ANO1: variants seen among roughly 807,000 people sequenced by gnomAD.
The protein encoded by ANO1 is anoctamin-1.
ANO1 carries 59 observed loss-of-function variants against 124.0 expected under a neutral mutation model. The ratio of observed to expected loss-of-function variants is 0.48; its 90% CI spans 0.39 to 0.59. ANO1 has a LOEUF of 0.59. Ranked by LOEUF, ANO1 falls within the 20% of genes least tolerant of loss-of-function variation. The pLI is 0.00. For synonymous variants in ANO1, 529 were observed against 532.0 expected, an observed-to-expected ratio of 0.99 and a Z score of 0.08; for missense variants, 1,059 against 1,328.0, an observed-to-expected ratio of 0.80 and a Z score of 3.15.
At chr11:70,137,633 T>C (rs966588069) in intron 11 of ANO1, among the ~76,000 whole-genome samples, 3 of 145,914 alleles carry the variant, frequency 2.1e-5, no homozygotes, top group African/African-American at 7.3e-5. Flanking sequence ...GTCACTGGAT[T>C]ACTCAGGCTG....
chr11:70,108,495 T>C (rs2045647852), intron 6 of ANO1, 91 bp downstream of exon 6: 2 of 1,429,978 alleles, frequency 1.4e-6, no homozygotes, highest in Non-Finnish European at 9.8e-7. Context: ...GGCAGCCGGC[T>C]TGGGGTGTTT....
At chr11:70,103,878 T>C (rs1290187814) in intron 3 of ANO1, 121 bp from the exon 4 acceptor site, 8 of 1,115,176 alleles carry the variant, frequency 7.2e-6, no homozygotes, top group Non-Finnish European at 6.3e-6. Flanking sequence ...ACCCAGGTGC[T>C]CTGCTCTCAG....
intron 1 of ANO1, among the ~76,000 whole-genome samples, chr11:70,042,527 G>A (rs782258167): frequency 2.0e-5 from 3 of 151,898 alleles, no homozygotes; most frequent in Non-Finnish European, 2.9e-5. Flanking sequence ...GAGAGAGAGA[G>A]AGAGAGAGAG....
chr11:70,116,070 G>A lies in ANO1; in HGVS notation c.856-388G>A, dbSNP rs185054803. Among the ~76,000 whole-genome samples, 33 of 152,282 alleles carry A rather than the reference G, an allele frequency of 2.2e-4. No individual in the cohort carries two copies. The East Asian group carries it at 4.1e-3, about 19-fold the overall frequency. On this transcript the variant is annotated intron_variant, in intron 7 of 25. Coordinates refer to ENST00000355303, the MANE Select transcript of ANO1 (RefSeq NM_018043.7). ...CCACAGTGAGAAGGGAGCAAGACAC[G>A]GACTGTCCCAGCAGAGTGGGACATA... is the stretch of plus-strand genomic sequence containing the variant.
chr11:70,105,336 G>C (rs529133033), intron 4 of ANO1, among the ~76,000 whole-genome samples: 2 of 152,232 alleles, frequency 1.3e-5, no homozygotes, highest in African/African-American at 4.8e-5. Flanking sequence ...TTGTTTTCAA[G>C]GTTGGAGCTG....
chr11:70,068,816 A>C (rs1857796806), intron 1 of ANO1, among the ~76,000 whole-genome samples: 1 of 152,034 alleles, frequency 6.6e-6, no homozygotes, highest in Non-Finnish European at 1.5e-5. Flanking sequence ...CTAAGGGAAA[A>C]CTGTCCCCCT....
At chr11:70,134,164 G>A (rs545101854) in intron 11 of ANO1, among the ~76,000 whole-genome samples, 2 of 152,246 alleles carry the variant, frequency 1.3e-5, no homozygotes, top group Non-Finnish European at 1.5e-5. Context: ...CGCTGTGTGC[G>A]CAGCTGGAAG....
At chr11:69,983,399 G>A (rs993487304), upstream of ANO1, among the ~76,000 whole-genome samples, 5 of 152,318 alleles carry the variant, frequency 3.3e-5, no homozygotes, top group African/African-American at 9.6e-5. Flanking sequence ...TGTGATTACT[G>A]TATTCCGTAA....
rs376590231 is a variant in ANO1, at chr11:70,010,469, C to A, written c.58+24303C>A. On this transcript the variant is annotated intron_variant, in intron 1 of 27. Transcript: ENST00000531349. ...TTCATGAGGAATCCACTCCTGTGAC[C>A]GGGACACCTCCCATTAGACCCCACC... 2.7e-3 allele frequency among the ~76,000 whole-genome samples: 412 copies of A among 151,776 alleles called. 18 individuals are homozygous for A. In the South Asian group the frequency reaches 0.084, roughly 31 times the overall value.
intron 22 of ANO1, among the ~76,000 whole-genome samples, chr11:70,175,503 G>A (rs2048658153): frequency 2.0e-5 from 3 of 152,230 alleles, no homozygotes; most frequent in Admixed American, 1.3e-4. Flanking sequence ...GCCACAAAGC[G>A]CAGGTGCCTT....
At position 70,087,830 on chromosome 11, in the gene ANO1, G is replaced by T; in HGVS notation, c.187G>T (p.Asp63Tyr). The change falls in exon 2 of 26, where the codon GAC becomes TAC. Residue 63 changes from aspartate to tyrosine, a missense_variant. Asp to Tyr is a radical substitution (Grantham distance 160). Around this residue, in one of 2 missense-constraint regions of ANO1, gnomAD observed 250 missense variants for 233.1 expected, o/e 1.07. Transcript: ENST00000355303. ...LYFRDGRRKV[D>Y]YILVYHHKRP... ...CTTCAGGGACGGCCGGCGCAAGGTG[G>T]ACTACATCCTGGTGTACCATCACAA... 1 of 1,613,094 alleles carries T rather than the reference G, an allele frequency of 6.2e-7. No individual in the cohort carries two copies. The highest frequency in any genetic ancestry group is 1.3e-5 in the African/African-American group (1 of 75,042).
intron 11 of ANO1, among the ~76,000 whole-genome samples, chr11:70,135,011 C>T (rs1469510235): frequency 2.0e-5 from 3 of 152,156 alleles, no homozygotes; most frequent in African/African-American, 7.2e-5. Flanking sequence ...AGATGCTTTC[C>T]TGTCTTATGC....
At chr11:70,081,120 T>G (rs548630546) in intron 1 of ANO1, among the ~76,000 whole-genome samples, 2 of 152,358 alleles carry the variant, frequency 1.3e-5, no homozygotes, top group South Asian at 4.1e-4. Context: ...AGCCTGTGAC[T>G]TTTGCCTCTC....
intron 5 of ANO1, among the ~76,000 whole-genome samples, chr11:70,107,507 G>A (rs12285830): frequency 0.37 from 26,338 of 70,970 alleles, 7,517 homozygotes; most frequent in African/African-American, 0.41. Context: ...GCGGGGAAGC[G>A]GTCAGATGGC....
chr11:70,187,185 C>T (rs1056138076), intron 25 of ANO1, among the ~76,000 whole-genome samples: 3 of 152,252 alleles, frequency 2.0e-5, no homozygotes, highest in East Asian at 1.9e-4. Flanking sequence ...GCACCAGCAC[C>T]GCCCGTGGCG....
chr11:70,090,883 C>T lies in ANO1; in HGVS notation c.441+2799C>T, dbSNP rs1343630415. On this transcript the variant is annotated intron_variant, in intron 2 of 25. Coordinates refer to ENST00000355303, the MANE Select transcript of ANO1 (RefSeq NM_018043.7). The stretch of plus-strand genomic sequence containing the variant: ...TGATTGTGGGGTAGAAACGTCCATT[C>T]AAGTTTTCAAAGGGCTGAAGTTGAG... Among the ~76,000 whole-genome samples, 3 of 152,152 alleles carry T rather than the reference C, an allele frequency of 2.0e-5. No individual in the cohort carries two copies. The East Asian group carries it at 5.8e-4, about 29-fold the overall frequency.
At chr11:70,029,848 C>T (rs150189698) in intron 1 of ANO1, among the ~76,000 whole-genome samples, 453 of 152,296 alleles carry the variant, frequency 3.0e-3, no homozygotes, top group Middle Eastern at 0.014. Context: ...ATCACTCCAG[C>T]CTCTTCCTCG....
intron 1 of ANO1, among the ~76,000 whole-genome samples, chr11:69,996,258 CT>C (rs1856269897): frequency 6.6e-6 from 1 of 152,186 alleles, no homozygotes; most frequent in African/African-American, 2.4e-5. Flanking sequence ...TGGGATCCTC[CT>C]TAACTAGTAT....
chr11:70,161,535 C>A, intron 17 of ANO1, 87 bp from the exon 18 acceptor site: 1 of 1,470,662 alleles, frequency 6.8e-7, no homozygotes, highest in Non-Finnish European at 9.5e-7. Flanking sequence ...GACTGAGTGA[C>A]TGTGCCAGTG....
Sources: gnomAD v4.1 joint callset for allele counts (sites outside exome capture counted in the v4.1 genomes callset) on GRCh38, gnomAD v4.1.1 for gene constraint, gnomAD v4.1.1 regional missense constraint, MANE v1.5 for transcripts, NCBI Gene and HGNC (gene_info 2026-07-23, HGNC 2026-07-21) for gene names.